Variants in MTDH observed in about 807,000 individuals in gnomAD.
MTDH encodes metadherin, also known as protein LYRIC.
Under a neutral mutation model 72.7 loss-of-function variants are expected in MTDH, and 34 were observed. That is an observed-to-expected ratio of 0.47 (90% confidence interval 0.36 to 0.62). The LOEUF (loss-of-function observed/expected upper bound fraction) is 0.62, where lower values mean the gene tolerates loss of function less well. MTDH is among the 20% of genes least tolerant of loss of function. The pLI, the probability that MTDH is intolerant of heterozygous loss-of-function variation, is 0.00. For synonymous variants in MTDH, 266 were observed against 268.9 expected, an observed-to-expected ratio of 0.99 and a Z score of 0.10; for missense variants, 677 against 699.4, an observed-to-expected ratio of 0.97 and a Z score of 0.36.
At chr8:97,723,700 G>GCA (rs1815233925) in intron 11 of MTDH, among the ~76,000 whole-genome samples, 1 of 151,784 alleles carries the variant, frequency 6.6e-6, no homozygotes. Flanking sequence ...CCGAGATCAT[G>GCA]CCACTGCACT....
chr8:97,707,629 G>A (rs1011679460), intron 8 of MTDH, among the ~76,000 whole-genome samples: 37 of 151,966 alleles, frequency 2.4e-4, no homozygotes, highest in African/African-American at 8.0e-4. Context: ...ATAGCAAGTA[G>A]CCATAGATGA....
chr8:97,648,271 C>A (rs1449109823), intron 1 of MTDH, among the ~76,000 whole-genome samples: 1 of 151,852 alleles, frequency 6.6e-6, no homozygotes, highest in African/African-American at 2.4e-5. Context: ...TTTTCCCCCC[C>A]ACCCCTGTTC....
chr8:97,682,177 A>G (rs1353287263), intron 2 of MTDH, among the ~76,000 whole-genome samples: 1 of 130,132 alleles, frequency 7.7e-6, no homozygotes, highest in Non-Finnish European at 1.6e-5. Flanking sequence ...AAAGTTTTTC[A>G]TAAGCTATTA....
intron 8 of MTDH, among the ~76,000 whole-genome samples, chr8:97,711,532 CT>C (rs1453679765): frequency 7.2e-5 from 11 of 151,938 alleles, no homozygotes; most frequent in African/African-American, 2.7e-4. Context: ...GAGTGATCCC[CT>C]GTACCCCTTT....
intron 2 of MTDH, among the ~76,000 whole-genome samples, chr8:97,675,798 G>A (rs1201983839): frequency 6.6e-6 from 1 of 151,786 alleles, no homozygotes; most frequent in Non-Finnish European, 1.5e-5. Context: ...CTTAAGCCCA[G>A]GAGGTAGAAG....
At chr8:97,664,089 C>A (rs568216146) in intron 2 of MTDH, among the ~76,000 whole-genome samples, 2 of 152,308 alleles carry the variant, frequency 1.3e-5, no homozygotes, top group Admixed American at 6.5e-5. Context: ...GGCACAATGG[C>A]TCAAGCCTGT....
At chr8:97,664,368 A>C (rs1457177781) in intron 2 of MTDH, among the ~76,000 whole-genome samples, 3 of 151,886 alleles carry the variant, frequency 2.0e-5, no homozygotes, top group Non-Finnish European at 2.9e-5. Flanking sequence ...AAAAAAAAAA[A>C]TGGATGCAGT....
intron 5 of MTDH, among the ~76,000 whole-genome samples, chr8:97,689,906 A>T (rs1261239235): frequency 6.6e-6 from 1 of 150,540 alleles, no homozygotes; most frequent in Non-Finnish European, 1.5e-5. Flanking sequence ...ATGGGGTTTC[A>T]CCTTGTTGGC....
chr8:97,675,053 A>C (rs1235335857), intron 2 of MTDH, among the ~76,000 whole-genome samples: 1 of 152,080 alleles, frequency 6.6e-6, no homozygotes, highest in Non-Finnish European at 1.5e-5. Flanking sequence ...CAAGTGATCC[A>C]CCTGCTACGG....
chr8:97,660,950 A>C, intron 1 of MTDH, 122 bp from the exon 2 acceptor site: 2 of 564,396 alleles, frequency 3.5e-6, no homozygotes. Flanking sequence ...GTGTACAAAA[A>C]CTTTTTAAAT....
intron 8 of MTDH, among the ~76,000 whole-genome samples, chr8:97,711,766 C>T (rs1019565625): frequency 6.6e-6 from 1 of 152,060 alleles, no homozygotes; most frequent in Non-Finnish European, 1.5e-5. Context: ...AAAGGATTAA[C>T]AACAGTAATC....
At chr8:97,697,088 A>T (rs1813865061) in intron 6 of MTDH, among the ~76,000 whole-genome samples, 1 of 140,766 alleles carries the variant, frequency 7.1e-6, no homozygotes, top group Non-Finnish European at 1.5e-5. Flanking sequence ...ACTGCACTCC[A>T]GACTGGGTGA....
chr8:97,651,642 T>C (rs1396747568), intron 1 of MTDH, among the ~76,000 whole-genome samples: 1 of 152,158 alleles, frequency 6.6e-6, no homozygotes, highest in Non-Finnish European at 1.5e-5. Context: ...TAAATTTTAG[T>C]GAAAAGATAA....
intron 1 of MTDH, among the ~76,000 whole-genome samples, chr8:97,654,477 T>C (rs62521673): frequency 0.16 from 23,751 of 152,208 alleles, 2,023 homozygotes; most frequent in East Asian, 0.33. Context: ...GAAATTATTA[T>C]TGTTAAGACT....
chr8:97,691,655 G>T (rs1165670053), intron 6 of MTDH, among the ~76,000 whole-genome samples: 1 of 152,070 alleles, frequency 6.6e-6, no homozygotes, highest in Non-Finnish European at 1.5e-5. Context: ...GTTTATTTCT[G>T]TTGAGAGCTA....
chr8:97,655,192 T>C (rs1168630477), intron 1 of MTDH, among the ~76,000 whole-genome samples: 1 of 152,238 alleles, frequency 6.6e-6, no homozygotes, highest in Non-Finnish European at 1.5e-5. Context: ...TTTCAAAACC[T>C]GTACTCTTGA....
rs898892961 is a variant in MTDH, at chr8:97,727,425, G to A, written c.*2755G>A. 1 of 151,284 alleles carries A rather than the reference G, an allele frequency of 6.6e-6. No homozygotes were observed. The highest frequency in any genetic ancestry group is 6.6e-5 in the Admixed American group (1 of 15,060). 9.4% of individuals were successfully genotyped at this position (151,284 alleles called of 1,614,324 possible). On this transcript the variant is annotated 3_prime_UTR_variant, in exon 12 of 12. Coordinates refer to ENST00000336273, the MANE Select transcript of MTDH (RefSeq NM_178812.4). The stretch of plus-strand genomic sequence containing the variant: ...TGAGGCAGAGAATCGCTTGAACCCG[G>A]GGGGTGGAGGTTGCAGTGAGCTGAG...
Position 97,699,830 on chromosome 8 carries a change from C to T in MTDH, c.1125C>T (p.Ile375=). 3 of 1,611,754 alleles carry T rather than the reference C, an allele frequency of 1.9e-6. No homozygotes were observed. Among genetic ancestry groups the T allele is most frequent in the Non-Finnish European group, 1.7e-6 (2 of 1,178,220 alleles). The part of the protein sequence containing the change: ...QWDVSRNQPY[I]DDEWSGLNGL... ...ATGTTAGCCGTAATCAACCCTATAT[C>T]GATGATGAATGGTCTGGGTTAAGTA... Residue 375 remains isoleucine (I), a synonymous_variant, in exon 7 of 12, where the codon ATC becomes ATT. Transcript: ENST00000336273.
Position 97,644,620 on chromosome 8 carries a change from C to G in MTDH, c.114C>G (p.Leu38=), listed in dbSNP as rs757943403. 1.2e-6 allele frequency: 2 copies of G among 1,610,032 alleles called. No individual in the cohort carries two copies. The highest frequency in any genetic ancestry group is 2.2e-5 in the East Asian group (1 of 44,658). ...GCTTTCTGCGCACCGAGCTGGGCCT[C>G]GACCTGGGGCTGGAGCCGAAACGGT... is the stretch of plus-strand genomic sequence containing the variant. The part of the protein sequence containing the change: ...GLGFLRTELG[L]DLGLEPKRYP... Residue 38 remains leucine (L), a synonymous_variant, in exon 1 of 12, where the codon CTC becomes CTG. Transcript: ENST00000336273.
Sources: gnomAD v4.1 joint callset for allele counts (sites outside exome capture counted in the v4.1 genomes callset) on GRCh38, gnomAD v4.1.1 for gene constraint, MANE v1.5 for transcripts, NCBI Gene and HGNC (gene_info 2026-07-23, HGNC 2026-07-21) for gene names.